C11orf54: variants seen among roughly 807,000 people sequenced by gnomAD.
The protein encoded by C11orf54 is beta-keto-L-gulonate decarboxylase, also known as beta-keto L-gulonate decarboxylase.
C11orf54 carries 29 observed loss-of-function variants against 35.5 expected under a neutral mutation model. The ratio of observed to expected loss-of-function variants is 0.82; its 90% CI spans 0.61 to 1.11. C11orf54 has a LOEUF of 1.11. C11orf54 is among the 50% of genes most tolerant of loss of function. The pLI, the probability that C11orf54 is intolerant of heterozygous loss-of-function variation, is 0.00. For synonymous variants in C11orf54, 108 were observed against 121.1 expected (o/e 0.89, Z 0.71); for missense variants, 373 against 369.2 (o/e 1.01, Z -0.08).
At chr11:93,752,587 C>G (rs989208341) in intron 3 of C11orf54, among the ~76,000 whole-genome samples, 2 of 151,962 alleles carry the variant, frequency 1.3e-5, no homozygotes, top group African/African-American at 4.8e-5. Flanking sequence ...CTTTTTCTTT[C>G]TAATAGTCTC....
rs1943515894 is a variant in C11orf54, at chr11:93,762,313, A to C, written c.*625A>C. 1 of 152,262 alleles carries C rather than the reference A, an allele frequency of 6.6e-6. No individual in the cohort carries two copies. The highest frequency in any genetic ancestry group is 2.4e-5 in the African/African-American group (1 of 41,480). The allele number at this position is 152,262 out of a possible 1,614,324, so 9.4% of individuals were successfully genotyped here. A position where few individuals can be genotyped will look rare whatever the true frequency, so the allele number is the denominator to read the frequency against. Reference sequence around the variant, plus strand: ...AAAACATTTGAAAAAGAGAAAAAGAAAAATCAGTGTTTAGAAATGTTGATA... The same window carrying C: ...AAAACATTTGAAAAAGAGAAAAAGACAAATCAGTGTTTAGAAATGTTGATA... On this transcript the variant is annotated 3_prime_UTR_variant, in exon 9 of 9. Transcript: ENST00000354421.
intron 5 of C11orf54, among the ~76,000 whole-genome samples, chr11:93,754,269 T>C (rs1408416737): frequency 1.3e-5 from 2 of 152,216 alleles, no homozygotes; most frequent in South Asian, 2.1e-4. Flanking sequence ...CTTAGATAAA[T>C]GCAGGGTTCT....
chr11:93,758,702 G>A (rs1339634504), intron 7 of C11orf54, among the ~76,000 whole-genome samples: 7 of 152,270 alleles, frequency 4.6e-5, no homozygotes, highest in African/African-American at 1.7e-4. Flanking sequence ...GATTTGGGGC[G>A]CTGACACGAG....
rs192542078 is a variant in C11orf54 at position 93,759,153 on chromosome 11, T to C, written c.658-589T>C. On this transcript the variant is annotated intron_variant, in intron 7 of 8. Coordinates refer to ENST00000354421, the MANE Select transcript of C11orf54 (RefSeq NM_001286069.2). Reference sequence around the variant, plus strand: ...ATACCATTTGACCCGGCAATCCCATTACTGGGCATATACCCAAAGGATTAT... The same window carrying C: ...ATACCATTTGACCCGGCAATCCCATCACTGGGCATATACCCAAAGGATTAT... Among the ~76,000 whole-genome samples, 279 of 152,326 alleles carry C rather than the reference T, an allele frequency of 1.8e-3. 1 individual carries two copies. Among genetic ancestry groups the C allele is most frequent in the African/African-American group, 6.2e-3 (259 of 41,564 alleles).
At position 93,759,775 on chromosome 11, in the gene C11orf54, G is replaced by A; in HGVS notation, c.691G>A (p.Asp231Asn). Residue 231 changes from aspartate to asparagine, a missense_variant, in exon 8 of 9, where the codon GAT becomes AAT. Coordinates refer to ENST00000354421, the MANE Select transcript of C11orf54 (RefSeq NM_001286069.2). Reference sequence around the variant, plus strand: ...ATTTTCTTCCTGCCCCTTGAACTCTGATGAAGAAGTGAATAAATGGTTGCA... The same window carrying A: ...ATTTTCTTCCTGCCCCTTGAACTCTAATGAAGAAGTGAATAAATGGTTGCA... ...AEFSSCPLNS[D>N]EEVNKWLHFY... The A allele has an allele frequency of 1.2e-6, 2 of 1,609,232 alleles. No homozygotes were observed. Among genetic ancestry groups the A allele is most frequent in the Admixed American group, 1.7e-5 (1 of 59,958 alleles).
Position 93,761,753 on chromosome 11 carries a change from AATACTG to A in C11orf54, c.*69_*74del. Reference sequence around the variant, plus strand: ...TAATTAATTGATTGACTTATTAATTAATACTGATATAAAACCAATAGAAATGATCCC... The same window carrying A: ...TAATTAATTGATTGACTTATTAATTAATATAAAACCAATAGAAATGATCCC... On this transcript the variant is annotated 3_prime_UTR_variant, in exon 9 of 9. Coordinates refer to ENST00000354421, the MANE Select transcript of C11orf54 (RefSeq NM_001286069.2). 2 of 1,412,132 alleles carry A rather than the reference AATACTG, an allele frequency of 1.4e-6. No individual in the cohort carries two copies. The highest frequency in any genetic ancestry group is 1.9e-4 in the Middle Eastern group (1 of 5,312). The allele number at this position is 1,412,132 out of a possible 1,614,324, so 87.5% of individuals were successfully genotyped here. A position where few individuals can be genotyped will look rare whatever the true frequency, so the allele number is the denominator to read the frequency against.
At chr11:93,761,163 GA>G (rs1404422831) in intron 8 of C11orf54, among the ~76,000 whole-genome samples, 1 of 152,054 alleles carries the variant, frequency 6.6e-6, no homozygotes, top group African/African-American at 2.4e-5. Context: ...GCTCTTTTAT[GA>G]TTTCATATAC....
chr11:93,762,025 A>T lies in C11orf54; in HGVS notation c.*337A>T, dbSNP rs1943504596. On this transcript the variant is annotated 3_prime_UTR_variant, in exon 9 of 9. Coordinates refer to ENST00000354421, the MANE Select transcript of C11orf54 (RefSeq NM_001286069.2). ...TATTTCATAGATCTGTCTGAAAGAG[A>T]TTGGGAACAAAAATATCTAATTGAG... The T allele has an allele frequency of 6.3e-6, 1 of 157,900 alleles. No individual in the cohort carries two copies. Among genetic ancestry groups the T allele is most frequent in the African/African-American group, 2.4e-5 (1 of 41,740 alleles). The allele number at this position is 157,900 out of a possible 1,614,324, so 9.8% of individuals were successfully genotyped here. A position where few individuals can be genotyped will look rare whatever the true frequency, so the allele number is the denominator to read the frequency against.
intron 5 of C11orf54, 35 bp downstream of exon 5, chr11:93,754,072 G>A: frequency 6.4e-7 from 1 of 1,562,958 alleles, no homozygotes; most frequent in Non-Finnish European, 8.7e-7. Context: ...TTACTTTATT[G>A]GTTTGACATT....
In C11orf54 at chr11:93,756,312, C is replaced by CAA. The variant is rs35695203; in HGVS notation, c.507+943_507+944dup. 0.01 allele frequency among the ~76,000 whole-genome samples: 1,250 copies of CAA among 119,618 alleles called. 43 individuals carry two copies. The East Asian group carries it at 0.12, about 12-fold the overall frequency. The allele number at this position is 119,618 out of a possible 152,430, so 78.5% of individuals were successfully genotyped here. ...CCTGGGCAACATGGCAAGACCCTGT[C>CAA]AAAAAAAAAAAAAAAAAATTTTTTT... On this transcript the variant is annotated intron_variant, in intron 6 of 8. Transcript: ENST00000354421.
intron 3 of C11orf54, among the ~76,000 whole-genome samples, chr11:93,751,022 G>C (rs896717602): frequency 2.0e-5 from 3 of 152,180 alleles, no homozygotes; most frequent in Non-Finnish European, 4.4e-5. Context: ...AAACGAGAGA[G>C]GCTAGATAAG....
chr11:93,750,374 T>G lies in C11orf54; in HGVS notation c.84T>G (p.Phe28Leu), dbSNP rs1591343556. 1 of 1,613,862 alleles carries G rather than the reference T, an allele frequency of 6.2e-7. No individual in the cohort carries two copies. The highest frequency in any genetic ancestry group is 1.3e-5 in the African/African-American group (1 of 75,050). The change falls in exon 3 of 9, where the codon TTT (phenylalanine) becomes TTG (leucine). Residue 28 changes from phenylalanine (F) to leucine (L), a missense_variant. Transcript: ENST00000354421. Reference sequence around the variant, plus strand: ...TGCAGAAGGGGTTAAAAGATAACTTTGCTGATGTCCAGGTCTCTGTAGTTG... The same window carrying G: ...TGCAGAAGGGGTTAAAAGATAACTTGGCTGATGTCCAGGTCTCTGTAGTTG... ...GVMQKGLKDN[F>L]ADVQVSVVDC...
intron 2 of C11orf54, 55 bp from the exon 3 acceptor site, chr11:93,750,291 G>C (rs1023503097): frequency 1.4e-6 from 2 of 1,448,542 alleles, no homozygotes; most frequent in Non-Finnish European, 1.9e-6. Context: ...CTTTTGATAC[G>C]TGGTAGCCAA....
chr11:93,743,127 A>G (rs2135566358), intron 1 of C11orf54, among the ~76,000 whole-genome samples: 1 of 150,836 alleles, frequency 6.6e-6, no homozygotes, highest in South Asian at 2.1e-4. Context: ...CAGCTTCCCA[A>G]GTAGCTGGGA....
chr11:93,760,620 A>G (rs1191984854), intron 8 of C11orf54, among the ~76,000 whole-genome samples: 2 of 152,212 alleles, frequency 1.3e-5, no homozygotes, highest in Admixed American at 6.5e-5. Context: ...TTACAGACCA[A>G]TTCAAAGCAA....
intron 4 of C11orf54, 80 bp from the exon 5 acceptor site, chr11:93,753,856 G>A: frequency 2.0e-6 from 3 of 1,533,140 alleles, no homozygotes; most frequent in South Asian, 1.1e-5. Flanking sequence ...GCAAGGAAGT[G>A]CTAATGGATC....
chr11:93,760,216 A>T (rs1288350540), intron 8 of C11orf54, among the ~76,000 whole-genome samples: 2 of 152,136 alleles, frequency 1.3e-5, no homozygotes, highest in African/African-American at 4.8e-5. Context: ...AAGTGTTGGG[A>T]TTACAAGCAT....
At chr11:93,741,992 G>A (rs1029622137) in intron 1 of C11orf54, 1 of 164,136 alleles carries the variant, frequency 6.1e-6, no homozygotes, top group East Asian at 1.9e-4. Context: ...TATTGGAGAA[G>A]GCTCATTCTT....
chr11:93,748,459 T>C (rs1439737330), intron 2 of C11orf54, among the ~76,000 whole-genome samples: 1 of 152,218 alleles, frequency 6.6e-6, no homozygotes, highest in Non-Finnish European at 1.5e-5. Context: ...GATTTTTTCT[T>C]TGATTGCTTT....
Sources: gnomAD v4.1 joint callset for allele counts (sites outside exome capture counted in the v4.1 genomes callset) on GRCh38, gnomAD v4.1.1 for gene constraint, MANE v1.5 for transcripts, NCBI Gene and HGNC (gene_info 2026-07-23, HGNC 2026-07-21) for gene names.